TADA2A: variants seen among roughly 807,000 people sequenced by gnomAD.
TADA2A encodes transcriptional adapter 2-alpha.
A neutral mutation model predicts 67.4 loss-of-function variants in TADA2A; 38 were observed. That is an observed-to-expected ratio of 0.56 (90% CI 0.44 to 0.74). The LOEUF is 0.74. TADA2A is among the 30% of genes least tolerant of loss of function. The pLI is 0.00. For missense variants in TADA2A, 454 were observed against 547.0 expected (o/e 0.83, Z 1.70); for synonymous variants, 192 against 181.6 (o/e 1.06, Z -0.46).
chr17:37,450,154 G>A (rs2053193515), intron 8 of TADA2A, among the ~76,000 whole-genome samples: 1 of 152,156 alleles, frequency 6.6e-6, no homozygotes, highest in Non-Finnish European at 1.5e-5. Context: ...AGCCGTCCTG[G>A]GCTGCATGTG....
chr17:37,467,957 G>A (rs1242100213), intron 12 of TADA2A, among the ~76,000 whole-genome samples: 2 of 151,920 alleles, frequency 1.3e-5, no homozygotes, highest in African/African-American at 2.4e-5. Context: ...TGGTGCACAC[G>A]TTTAATCCCA....
chr17:37,467,419 G>T (rs746120872), intron 11 of TADA2A, 35 bp from the exon 12 acceptor site: 1 of 1,589,150 alleles, frequency 6.3e-7, no homozygotes, highest in Non-Finnish European at 8.6e-7. Flanking sequence ...TTTTGTTTTT[G>T]TAATTTTTTC....
rs567109642 is a variant in TADA2A at position 37,442,595 on chromosome 17, C to T, written c.474C>T (p.Asp158=). 8.7e-6 allele frequency: 14 copies of T among 1,614,018 alleles called. No individual in the cohort carries two copies. In the African/African-American group the frequency reaches 1.1e-4, roughly 12 times the overall value. ...ATGACCCTCCCCGACCTACCTTTGACTCCTTGCTTTCTCGGGACATGGCCG... is the reference window on the plus strand; with the variant it reads ...ATGACCCTCCCCGACCTACCTTTGATTCCTTGCTTTCTCGGGACATGGCCG... ...STDDPPRPTF[D]SLLSRDMAGY... The change falls in exon 7 of 16, where the codon GAC becomes GAT. Residue 158 remains aspartate (D), a synonymous_variant. Transcript: ENST00000615182.
At chr17:37,421,952 C>G (rs1355361662) in intron 2 of TADA2A, among the ~76,000 whole-genome samples, 1 of 145,640 alleles carries the variant, frequency 6.9e-6, no homozygotes, top group Non-Finnish European at 1.5e-5. Flanking sequence ...GATCTCGGAT[C>G]ACTGCAACCT....
In TADA2A at chr17:37,414,407, T is replaced by TC. The variant is rs1349865813; in HGVS notation, c.25+3019dup. 3.9e-5 allele frequency among the ~76,000 whole-genome samples: 6 copies of TC among 152,164 alleles called. No individual in the cohort carries two copies. The South Asian group carries it at 6.2e-4, about 16-fold the overall frequency. On this transcript the variant is annotated intron_variant, in intron 2 of 15. Transcript: ENST00000615182. ...CGTCCTTTTTGGCATAACTAAATACTCCAAGTGCATCCTGTACTCCCCCCG... is the reference window on the plus strand; with the variant it reads ...CGTCCTTTTTGGCATAACTAAATACTCCCAAGTGCATCCTGTACTCCCCCCG...
At chr17:37,472,651 G>A (rs1271789015) in intron 14 of TADA2A, among the ~76,000 whole-genome samples, 2 of 151,784 alleles carry the variant, frequency 1.3e-5, no homozygotes, top group South Asian at 4.2e-4. Context: ...GAGGTTGGGA[G>A]TTTGAGACCA....
rs150744923 is a variant in TADA2A at position 37,462,082 on chromosome 17, A to T, written c.673A>T (p.Ile225Leu). ...LKERQRRKKIIRDHGLINLRK... is the reference protein window; with the variant it reads ...LKERQRRKKILRDHGLINLRK... ...TATTGTGGCTTTTCATTCTAGAATT[A>T]TAAGAGACCATGGATTAATCAACCT... The change falls in exon 10 of 16, where the codon ATA becomes TTA. Residue 225 changes from isoleucine (I) to leucine (L), a missense_variant. This residue lies in a region of TADA2A where 403 missense variants were observed against 455.5 expected (regional missense o/e 0.88). Transcript: ENST00000615182. The T allele has an allele frequency of 2.7e-5, 43 of 1,570,736 alleles. No homozygotes were observed. The highest frequency in any genetic ancestry group is 3.7e-5 in the Non-Finnish European group (43 of 1,148,730).
At position 37,471,023 on chromosome 17, in the gene TADA2A, G is replaced by T. The variant is rs143811165; in HGVS notation, c.1029-71G>T. 1.7e-3 allele frequency: 2,601 copies of T among 1,522,174 alleles called. 25 individuals carry two copies. The African/African-American group carries it at 0.019, about 11-fold the overall frequency. 94.3% of individuals were successfully genotyped at this position (1,522,174 alleles called of 1,614,324 possible). A position where few individuals can be genotyped will look rare whatever the true frequency, so the allele number is the denominator to read the frequency against. ...TGACCTACCTGATAAATGGCACCCA[G>T]TCTCACCGGGGCTTTTGGAAATCAC... is the stretch of plus-strand genomic sequence containing the variant. On this transcript the variant is annotated intron_variant, in intron 13 of 15. Transcript: ENST00000615182.
chr17:37,438,786 T>C (rs1017098626), intron 5 of TADA2A, among the ~76,000 whole-genome samples: 1 of 152,222 alleles, frequency 6.6e-6, no homozygotes, highest in Non-Finnish European at 1.5e-5. Flanking sequence ...TTTTCATTTT[T>C]TGCTTACCAT....
chr17:37,427,211 C>G (rs1220390991), intron 4 of TADA2A, among the ~76,000 whole-genome samples: 1 of 152,148 alleles, frequency 6.6e-6, no homozygotes, highest in Admixed American at 6.6e-5. Flanking sequence ...GTGGATCTAT[C>G]AAGGTATTTA....
rs558846957 is a variant in TADA2A, at chr17:37,478,547, C to T, written c.*1565C>T. The T allele has an allele frequency of 1.1e-4, 16 of 152,132 alleles. No homozygotes were observed. Among genetic ancestry groups the T allele is most frequent in the Non-Finnish European group, 2.2e-4 (15 of 68,026 alleles). 9.4% of individuals were successfully genotyped at this position (152,132 alleles called of 1,614,324 possible). On this transcript the variant is annotated 3_prime_UTR_variant, in exon 16 of 16. Coordinates refer to ENST00000615182, the MANE Select transcript of TADA2A (RefSeq NM_001166105.3). ...AAAGCAGCTTTATATATGGGACTCA[C>T]TAGATATGAGGGTAAGTAGCCCCAC...
At chr17:37,463,517 A>T (rs2053594635) in intron 10 of TADA2A, among the ~76,000 whole-genome samples, 2 of 152,042 alleles carry the variant, frequency 1.3e-5, no homozygotes, top group Admixed American at 1.3e-4. Flanking sequence ...GAGGCAGCGG[A>T]TCACTTGAGC....
chr17:37,446,370 G>A (rs907723218), intron 8 of TADA2A, among the ~76,000 whole-genome samples: 2 of 151,946 alleles, frequency 1.3e-5, no homozygotes, highest in African/African-American at 2.4e-5. Flanking sequence ...AATTGAAATG[G>A]TATTGTTTTC....
intron 3 of TADA2A, chr17:37,426,714 C>A: frequency 5.5e-6 from 2 of 361,608 alleles, no homozygotes; most frequent in Non-Finnish European, 9.8e-6. Context: ...GTGTGGTGGC[C>A]CACACCTGTA....
chr17:37,472,486 T>G (rs879454203), intron 14 of TADA2A, among the ~76,000 whole-genome samples: 1 of 152,142 alleles, frequency 6.6e-6, no homozygotes, highest in Non-Finnish European at 1.5e-5. Context: ...AATCAAAGTT[T>G]TATTTTGTAA....
intron 1 of TADA2A, chr17:37,408,676 A>G (rs1482460831): frequency 6.6e-6 from 1 of 152,244 alleles, no homozygotes; most frequent in African/African-American, 2.4e-5. Flanking sequence ...TGAGGATTCA[A>G]AGAATCCCCA....
chr17:37,463,687 G>A (rs940997314), intron 10 of TADA2A, among the ~76,000 whole-genome samples: 2 of 151,810 alleles, frequency 1.3e-5, no homozygotes, highest in Admixed American at 6.6e-5. Context: ...CCTCACTCCA[G>A]TTGTCCAGGC....
At chr17:37,467,956 C>T (rs1475779127) in intron 12 of TADA2A, among the ~76,000 whole-genome samples, 5 of 152,002 alleles carry the variant, frequency 3.3e-5, no homozygotes, top group South Asian at 4.1e-4. Context: ...GTGGTGCACA[C>T]GTTTAATCCC....
chr17:37,411,423 T>A (rs770751542), intron 2 of TADA2A, 33 bp downstream of exon 2: 1 of 1,598,708 alleles, frequency 6.3e-7, no homozygotes, highest in South Asian at 1.1e-5. Flanking sequence ...TCAGGTGACT[T>A]ATTATTATTT....
Sources: gnomAD v4.1 joint callset for allele counts (sites outside exome capture counted in the v4.1 genomes callset) on GRCh38, gnomAD v4.1.1 for gene constraint, gnomAD v4.1.1 regional missense constraint, MANE v1.5 for transcripts, NCBI Gene and HGNC (gene_info 2026-07-23, HGNC 2026-07-21) for gene names.